ZBTB8A: variants seen among roughly 807,000 people sequenced by gnomAD.
ZBTB8A encodes zinc finger and BTB domain containing 8A.
ZBTB8A carries 19 observed loss-of-function variants against 37.8 expected under a neutral mutation model. The observed-to-expected ratio is 0.50, with a 90% CI of 0.35 to 0.74. ZBTB8A has a LOEUF of 0.74. Ranked by LOEUF, ZBTB8A falls within the 30% of genes least tolerant of loss-of-function variation. The pLI is 0.01. For missense variants in ZBTB8A, 394 were observed against 537.8 expected (o/e 0.73, Z 2.65); for synonymous variants, 181 against 185.2 (o/e 0.98, Z 0.19).
intron 2 of ZBTB8A, among the ~76,000 whole-genome samples, chr1:32,574,749 G>A (rs974264274): frequency 2.0e-5 from 3 of 152,060 alleles, no homozygotes; most frequent in African/African-American, 7.2e-5. Flanking sequence ...ATTTGTCCAA[G>A]TTGGTTGATA....
At chr1:32,593,854 T>A in intron 3 of ZBTB8A, 100 bp downstream of exon 3, 2 of 900,326 alleles carry the variant, frequency 2.2e-6, no homozygotes, top group Non-Finnish European at 3.3e-6. Flanking sequence ...TCTAAGCAGT[T>A]GAAGCAAGTG....
At chr1:32,570,187 C>A (rs887972095) in intron 2 of ZBTB8A, among the ~76,000 whole-genome samples, 15 of 152,060 alleles carry the variant, frequency 9.9e-5, no homozygotes, top group Admixed American at 9.9e-4. Flanking sequence ...ATATCTTTGT[C>A]AAAAGCCAAT....
chr1:32,552,633 TC>T (rs1259961414), intron 1 of ZBTB8A, among the ~76,000 whole-genome samples: 1 of 151,726 alleles, frequency 6.6e-6, no homozygotes, highest in Non-Finnish European at 1.5e-5. Context: ...GCCATTTCAC[TC>T]CAGCCTGGGC....
intron 2 of ZBTB8A, among the ~76,000 whole-genome samples, chr1:32,570,343 G>A (rs562430238): frequency 2.5e-4 from 38 of 152,144 alleles, no homozygotes; most frequent in African/African-American, 8.7e-4. Context: ...TTGTAATTAC[G>A]TAGGTTAAGT....
chr1:32,574,075 C>G (rs942746956), intron 2 of ZBTB8A, among the ~76,000 whole-genome samples: 11 of 151,688 alleles, frequency 7.3e-5, no homozygotes, highest in African/African-American at 2.7e-4. Flanking sequence ...AAAACTCTGT[C>G]TCAAAAAATA....
chr1:32,599,950 C>G, intron 4 of ZBTB8A, 137 bp from the exon 5 acceptor site: 1 of 658,314 alleles, frequency 1.5e-6, no homozygotes, highest in East Asian at 2.8e-5. Flanking sequence ...AACCCTTGAT[C>G]TTTCTCTAAA....
chr1:32,599,292 G>T (rs1641356128), intron 4 of ZBTB8A, among the ~76,000 whole-genome samples: 1 of 151,680 alleles, frequency 6.6e-6, no homozygotes, highest in African/African-American at 2.4e-5. Context: ...AGGTGTGGTG[G>T]CATGCACCTG....
intron 2 of ZBTB8A, among the ~76,000 whole-genome samples, chr1:32,591,016 C>T (rs989571166): frequency 6.6e-6 from 1 of 151,778 alleles, no homozygotes; most frequent in African/African-American, 2.4e-5. Flanking sequence ...GCCTCAGCCT[C>T]CCAAATAACT....
chr1:32,565,481 G>T (rs958283737), intron 2 of ZBTB8A, among the ~76,000 whole-genome samples: 2 of 151,968 alleles, frequency 1.3e-5, no homozygotes, highest in Admixed American at 6.6e-5. Flanking sequence ...TAGCAAGACC[G>T]TGTCTCTACA....
At chr1:32,560,586 C>T (rs1472422926) in intron 2 of ZBTB8A, among the ~76,000 whole-genome samples, 5 of 148,210 alleles carry the variant, frequency 3.4e-5, no homozygotes, top group African/African-American at 5.0e-5. Flanking sequence ...CAACTACTTC[C>T]GTTCTTTCTT....
intron 2 of ZBTB8A, among the ~76,000 whole-genome samples, chr1:32,573,937 G>T (rs994046891): frequency 6.6e-6 from 1 of 151,636 alleles, no homozygotes; most frequent in Admixed American, 6.6e-5. Flanking sequence ...TTAGCCGGGT[G>T]TGGCAGCGCG....
intron 2 of ZBTB8A, among the ~76,000 whole-genome samples, chr1:32,583,904 T>A (rs957551606): frequency 3.9e-5 from 6 of 152,200 alleles, no homozygotes; most frequent in Admixed American, 3.9e-4. Context: ...CCACCATGCC[T>A]GGCTCCTTTT....
rs141990048 is a variant in ZBTB8A, at chr1:32,572,864, T to C, written c.-2+19324T>C. 9.2e-3 allele frequency among the ~76,000 whole-genome samples: 1,402 copies of C among 151,990 alleles called. 22 individuals are homozygous for C. The highest frequency in any genetic ancestry group is 0.031 in the African/African-American group (1,302 of 41,500). ...TCATTCCTAATACTGGTAATTTATG[T>C]CTTCTTTTTTTTTTTCTTGGTTGAT... On this transcript the variant is annotated intron_variant, in intron 2 of 4. Coordinates refer to ENST00000373510, the MANE Select transcript of ZBTB8A (RefSeq NM_001040441.3).
intron 2 of ZBTB8A, among the ~76,000 whole-genome samples, chr1:32,578,363 C>T (rs1160895531): frequency 1.3e-5 from 2 of 151,964 alleles, no homozygotes; most frequent in Non-Finnish European, 2.9e-5. Context: ...AGGCCTGAGC[C>T]ACCACATCCA....
At chr1:32,578,398 A>C (rs1032091513) in intron 2 of ZBTB8A, among the ~76,000 whole-genome samples, 14 of 151,906 alleles carry the variant, frequency 9.2e-5, no homozygotes, top group Admixed American at 6.6e-4. Flanking sequence ...TTTTTAGTAG[A>C]GACGTGGTTT....
intron 2 of ZBTB8A, among the ~76,000 whole-genome samples, chr1:32,562,523 G>A (rs190224870): frequency 5.3e-5 from 8 of 149,720 alleles, no homozygotes; most frequent in African/African-American, 4.9e-5. Context: ...CGCCTGCCTC[G>A]GCCTCCTAAA....
At chr1:32,596,706 G>T (rs1358682658) in intron 4 of ZBTB8A, among the ~76,000 whole-genome samples, 1 of 152,110 alleles carries the variant, frequency 6.6e-6, no homozygotes, top group Non-Finnish European at 1.5e-5. Flanking sequence ...TACTTTGCAC[G>T]TAAAGCATAA....
At chr1:32,542,688 C>T (rs541300886) in intron 1 of ZBTB8A, among the ~76,000 whole-genome samples, 6 of 152,326 alleles carry the variant, frequency 3.9e-5, no homozygotes, top group South Asian at 2.1e-4. Context: ...CAAAGACTTT[C>T]GAACTTAATG....
intron 1 of ZBTB8A, among the ~76,000 whole-genome samples, chr1:32,546,877 A>G (rs1644108712): frequency 6.6e-6 from 1 of 152,112 alleles, no homozygotes. Context: ...TAAAATTCTT[A>G]CAGTTCCAGA....
Sources: allele counts gnomAD v4.1 joint callset (sites outside exome capture counted in the v4.1 genomes callset), GRCh38; gene constraint gnomAD v4.1.1; transcripts MANE v1.5; gene names NCBI Gene and HGNC (gene_info 2026-07-23, HGNC 2026-07-21).